PCID2: variants seen among roughly 807,000 people sequenced by gnomAD.
The protein encoded by PCID2 is PCI domain containing 2.
Under a neutral mutation model 61.3 loss-of-function variants are expected in PCID2, and 41 were observed. The ratio of observed to expected loss-of-function variants is 0.67; its 90% CI spans 0.52 to 0.87. The LOEUF is 0.87. Among genes scored for constraint, PCID2 ranks in the 40% least tolerant of loss-of-function variants. PCID2 has a pLI of 0.00. For synonymous variants in PCID2, 187 were observed against 177.8 expected, an observed-to-expected ratio of 1.05 and a Z score of -0.41; for missense variants, 392 against 493.4, an observed-to-expected ratio of 0.79 and a Z score of 1.95.
chr13:113,179,395 A>G lies in PCID2; in HGVS notation c.987-306T>C, dbSNP rs1261016480. 2.6e-5 allele frequency among the ~76,000 whole-genome samples: 4 copies of G among 152,024 alleles called. No homozygotes were observed. The highest frequency in any genetic ancestry group is 2.6e-4 in the Admixed American group (4 of 15,266). On this transcript the variant is annotated intron_variant, in intron 12 of 13. Coordinates refer to ENST00000337344, the MANE Select transcript of PCID2 (RefSeq NM_001127202.4). This position sits in a 1 kb window ranked among gnomAD's most constrained non-coding sequence, Gnocchi z 4.3. The stretch of plus-strand genomic sequence containing the variant: ...CCTGACAATGGGCTGTGTCTCACAG[A>G]CTCAGCGAAATAGGGTCCCTACTGT...
chr13:113,171,154 C>G, the PCID2 span, among the ~76,000 whole-genome samples: 3 of 152,136 alleles, frequency 2.0e-5, no homozygotes, highest in Admixed American at 1.3e-4. This position sits in a 1 kb window ranked among gnomAD's most constrained non-coding sequence, Gnocchi z 5.1. Context: ...TACTCCTGGC[C>G]TTAAGTGATC....
At chr13:113,165,113 C>T in the PCID2 span, 8 of 1,611,740 alleles carry the variant, frequency 5.0e-6, no homozygotes, top group East Asian at 4.5e-5. Context: ...CAGGACCTCC[C>T]GTGGCAGGTA....
intron 6 of PCID2, 148 bp downstream of exon 6, chr13:113,194,923 G>A: frequency 1.5e-6 from 1 of 650,206 alleles, no homozygotes. Flanking sequence ...AGAAAGAATA[G>A]TCAATATCTT....
chr13:113,193,035 C>A (rs2138824625), intron 6 of PCID2, among the ~76,000 whole-genome samples: 1 of 152,102 alleles, frequency 6.6e-6, no homozygotes, highest in Non-Finnish European at 1.5e-5. Context: ...CTGACTTGAT[C>A]TGGACCTCCC....
chr13:113,202,890 G>A (rs930977378), intron 1 of PCID2, among the ~76,000 whole-genome samples: 1 of 152,158 alleles, frequency 6.6e-6, no homozygotes, highest in Non-Finnish European at 1.5e-5. Flanking sequence ...CCTTAAAATT[G>A]AAACAAATAG....
At chr13:113,172,526 C>T in the PCID2 span, 9 of 304,970 alleles carry the variant, frequency 3.0e-5, no homozygotes, top group African/African-American at 1.7e-4. Flanking sequence ...AAAGTGACCT[C>T]CTCTGTTGGT....
chr13:113,188,428 G>A (rs984014524), intron 7 of PCID2: 1 of 152,270 alleles, frequency 6.6e-6, no homozygotes, highest in South Asian at 2.1e-4. Flanking sequence ...TGAGGTCAGA[G>A]GCTCCCCTCT....
the PCID2 span, chr13:113,172,037 C>T: frequency 6.2e-7 from 1 of 1,613,018 alleles, no homozygotes; most frequent in East Asian, 2.2e-5. Flanking sequence ...AGTAGGAGGG[C>T]AGGCTCACAT....
the PCID2 span, chr13:113,170,470 A>C: frequency 6.2e-7 from 1 of 1,611,738 alleles, no homozygotes; most frequent in East Asian, 2.2e-5. Context: ...AATACGGGAA[A>C]ATTTTGTACT....
chr13:113,191,075 C>T (rs973414896), intron 6 of PCID2, 100 bp from the exon 7 acceptor site: 2 of 710,124 alleles, frequency 2.8e-6, no homozygotes, highest in Non-Finnish European at 4.7e-6. Context: ...TCACTGCAGC[C>T]TCAACCTCCT....
intron 8 of PCID2, 47 bp downstream of exon 8, chr13:113,185,438 G>A (rs2038024345): frequency 7.5e-7 from 1 of 1,340,026 alleles, no homozygotes; most frequent in Non-Finnish European, 1.1e-6. Flanking sequence ...GGAAGCCCAG[G>A]ACAATCGAAA....
rs2037916522 is a variant in PCID2, at chr13:113,184,426, T to C, written c.605A>G (p.Asp202Gly). 2 of 1,606,542 alleles carry C rather than the reference T, an allele frequency of 1.2e-6. No individual in the cohort carries two copies. Among genetic ancestry groups the C allele is most frequent in the Non-Finnish European group, 1.7e-6 (2 of 1,173,022 alleles). Reference sequence around the variant, plus strand: ...TACTCTCTGTGCAGTGCTGTAATCGTCTTTCAGGTTTGAGCTGTCAATTGC... The same window carrying C: ...TACTCTCTGTGCAGTGCTGTAATCGCCTTTCAGGTTTGAGCTGTCAATTGC... ...IRAIDSSNLK[D>G]DYSTAQRVTY... is the part of the protein sequence containing the mutation. The change falls in exon 9 of 14, where the codon GAC (aspartate) becomes GGC (glycine). Residue 202 changes from aspartate (D) to glycine (G), a missense_variant. By Grantham distance (94) the Asp-to-Gly change is moderately conservative. This residue lies in a region of PCID2 where 226 missense variants were observed against 296.5 expected (regional missense o/e 0.76). Transcript: ENST00000337344.
chr13:113,176,720 A>G (rs79817134), downstream of PCID2, among the ~76,000 whole-genome samples: 2,393 of 152,304 alleles, frequency 0.016, 165 homozygotes, highest in East Asian at 0.21. Context: ...CACTGACTGC[A>G]CTGCCGCACT....
chr13:113,208,423 C>T (rs2040114218), intron 1 of PCID2, 176 bp downstream of exon 1: 2 of 1,492,732 alleles, frequency 1.3e-6, no homozygotes, highest in Admixed American at 2.1e-5. Context: ...ACTCGGGCCG[C>T]CTTCCCGAGT....
intron 7 of PCID2, chr13:113,187,022 T>C (rs1465840447): frequency 6.6e-6 from 1 of 152,240 alleles, no homozygotes; most frequent in East Asian, 1.9e-4. Context: ...TAACTGCCTG[T>C]GAGCTGCTCT....
At chr13:113,195,663 T>C (rs2038960921) in intron 5 of PCID2, among the ~76,000 whole-genome samples, 1 of 150,084 alleles carries the variant, frequency 6.7e-6, no homozygotes, top group Non-Finnish European at 1.5e-5. Context: ...CAAGACTCCT[T>C]CTCAAAAAAA....
chr13:113,183,831 C>T, intron 9 of PCID2: 7 of 985,282 alleles, frequency 7.1e-6, no homozygotes, highest in Non-Finnish European at 8.4e-6. Flanking sequence ...AGCGACACGC[C>T]GTGCGAGGCT....
At chr13:113,169,544 T>C in the PCID2 span, among the ~76,000 whole-genome samples, 3 of 152,262 alleles carry the variant, frequency 2.0e-5, no homozygotes, top group Non-Finnish European at 4.4e-5. Flanking sequence ...TACACTTGGA[T>C]ATTGTCCTAG....
intron 4 of PCID2, chr13:113,196,948 C>T (rs2039058605): frequency 1.8e-6 from 2 of 1,115,514 alleles, no homozygotes; most frequent in African/African-American, 3.1e-5. Context: ...GAGTAAGATC[C>T]TTCTTCCTAA....
Sources: allele counts gnomAD v4.1 joint callset (sites outside exome capture counted in the v4.1 genomes callset), GRCh38; gene constraint gnomAD v4.1.1; regional missense constraint gnomAD v4.1.1; non-coding constraint Gnocchi (gnomAD v3.1); transcripts MANE v1.5; gene names NCBI Gene and HGNC (gene_info 2026-07-23, HGNC 2026-07-21).